Variants in GTF3C6 observed in about 807,000 individuals in gnomAD.
GTF3C6 encodes general transcription factor IIIC subunit 6, also known as general transcription factor 3C polypeptide 6.
GTF3C6 carries 11 observed loss-of-function variants against 19.2 expected under a neutral mutation model. That is an observed-to-expected ratio of 0.57 (90% CI 0.36 to 0.95). The LOEUF (loss-of-function observed/expected upper bound fraction) is 0.95, where lower values mean the gene tolerates loss of function less well. Ranked by LOEUF, GTF3C6 falls within the 40% of genes least tolerant of loss-of-function variation. The pLI is 0.01. For missense variants in GTF3C6, 222 were observed against 254.7 expected (o/e 0.87, Z 0.87); for synonymous variants, 87 against 84.2 (o/e 1.03, Z -0.18).
rs1344740413 is a variant in GTF3C6 at position 110,962,402 on chromosome 6, A to G, written c.258A>G (p.Glu86=). The G allele has an allele frequency of 7.7e-6, 12 of 1,567,942 alleles. No individual in the cohort carries two copies. Among genetic ancestry groups the G allele is most frequent in the Non-Finnish European group, 1.1e-5 (12 of 1,138,288 alleles). Residue 86 remains glutamate (E), a synonymous_variant, in exon 5 of 6, where the codon GAA becomes GAG. Coordinates refer to ENST00000329970, the MANE Select transcript of GTF3C6 (RefSeq NM_138408.4). The part of the protein sequence containing the change: ...FEENVEHADT[E]GNNKTVLKYK... ...TCATTTCTGTTCCAGCTGATACAGA[A>G]GGCAATAATAAAACAGTGCTAAAAT...
chr6:110,959,293 T>A, intron 2 of GTF3C6, 41 bp downstream of exon 2: 2 of 1,199,760 alleles, frequency 1.7e-6, no homozygotes, highest in Non-Finnish European at 2.5e-6. Flanking sequence ...TAGAGTGTCT[T>A]AAATGTAAAA....
chr6:110,960,392 A>G, intron 2 of GTF3C6, 22 bp from the exon 3 acceptor site: 3 of 1,532,794 alleles, frequency 2.0e-6, no homozygotes, highest in East Asian at 2.3e-5. Flanking sequence ...TTTTTTTTTT[A>G]TGATCCTTTA....
intron 5 of GTF3C6, among the ~76,000 whole-genome samples, chr6:110,963,790 C>T (rs1771194429): frequency 6.6e-6 from 1 of 151,864 alleles, no homozygotes; most frequent in South Asian, 2.1e-4. Context: ...CAATCTCCAC[C>T]TCTTGGGTGC....
At chr6:110,961,583 G>A (rs573912490) in intron 4 of GTF3C6, among the ~76,000 whole-genome samples, 46 of 152,274 alleles carry the variant, frequency 3.0e-4, no homozygotes, top group Non-Finnish European at 5.4e-4. Flanking sequence ...CTTATCCTCC[G>A]TCCTGCCTAG....
chr6:110,967,153 T>TA (rs200139626), intron 5 of GTF3C6, among the ~76,000 whole-genome samples: 4,465 of 145,846 alleles, frequency 0.031, 290 homozygotes, highest in East Asian at 0.3. Context: ...GACTTTGTCT[T>TA]AAAAAAAAAA....
intron 5 of GTF3C6, among the ~76,000 whole-genome samples, chr6:110,963,109 G>T (rs1400190563): frequency 6.6e-6 from 1 of 152,038 alleles, no homozygotes; most frequent in East Asian, 1.9e-4. Flanking sequence ...GTAGAGACCG[G>T]ATTTTACCGT....
At chr6:110,959,004 C>A in intron 1 of GTF3C6, 168 bp from the exon 2 acceptor site, 3 of 838,094 alleles carry the variant, frequency 3.6e-6, no homozygotes, top group African/African-American at 1.7e-5. Context: ...TAATCGTCAC[C>A]CCGTACTTGG....
At chr6:110,959,353 C>A in intron 2 of GTF3C6, 101 bp downstream of exon 2, 1 of 744,264 alleles carries the variant, frequency 1.3e-6, no homozygotes, top group Admixed American at 2.4e-5. Flanking sequence ...ATATTTATTT[C>A]ACCTTACAAA....
intron 5 of GTF3C6, among the ~76,000 whole-genome samples, chr6:110,964,032 T>C (rs1771197194): frequency 6.6e-6 from 1 of 152,048 alleles, no homozygotes; most frequent in African/African-American, 2.4e-5. Flanking sequence ...GGGGAGACTG[T>C]AGGACCACAG....
rs779833348 is a variant in GTF3C6 at position 110,960,405 on chromosome 6, C to T, written c.139-9C>T. ...TGTTTTTTTTTTATGATCCTTTATT[C>T]TGTTGTAGGGCATTGACACTGAGAG... is the stretch of plus-strand genomic sequence containing the variant. On this transcript the variant is annotated splice_polypyrimidine_tract_variant and intron_variant, in intron 2 of 5. Transcript: ENST00000329970. 6.3e-7 allele frequency: 1 copy of T among 1,592,808 alleles called. No homozygotes were observed. Among genetic ancestry groups the T allele is most frequent in the East Asian group, 2.2e-5 (1 of 44,748 alleles).
At chr6:110,965,744 T>C (rs1188241598) in intron 5 of GTF3C6, among the ~76,000 whole-genome samples, 6 of 152,218 alleles carry the variant, frequency 3.9e-5, no homozygotes, top group Admixed American at 2.6e-4. Flanking sequence ...TTTGGGTGTT[T>C]TGTTTAGTCA....
At chr6:110,966,371 G>C (rs9372279) in intron 5 of GTF3C6, among the ~76,000 whole-genome samples, 37,609 of 152,078 alleles carry the variant, frequency 0.25, 5,377 homozygotes, top group East Asian at 0.65. Context: ...CAGCTACTCG[G>C]GAGGCTGAGG....
intron 5 of GTF3C6, among the ~76,000 whole-genome samples, chr6:110,965,133 CTTTTTTT>C (rs57625165): frequency 3.2e-5 from 4 of 126,114 alleles, no homozygotes; most frequent in East Asian, 2.2e-4. Context: ...CGCACCCAAC[CTTTTTTT>C]TTTTTTTTTT....
intron 5 of GTF3C6, among the ~76,000 whole-genome samples, chr6:110,964,938 T>A (rs1771211847): frequency 1.3e-5 from 2 of 151,470 alleles, no homozygotes; most frequent in African/African-American, 4.9e-5. Flanking sequence ...GTTGAAGTAA[T>A]TCTCCTGCCT....
rs191531815 is a variant in GTF3C6 at position 110,964,910 on chromosome 6, G to A, written c.361+2405G>A. Among the ~76,000 whole-genome samples, 307 of 149,986 alleles carry A rather than the reference G, an allele frequency of 2.0e-3. 2 individuals are homozygous for A. The highest frequency in any genetic ancestry group is 7.3e-3 in the African/African-American group (297 of 40,756). The stretch of plus-strand genomic sequence containing the variant: ...TACAGTAGTGCGATCTCGGCTCACT[G>A]CAACCTCCGCCTCCTGGGTTGAAGT... On this transcript the variant is annotated intron_variant, in intron 5 of 5. Coordinates refer to ENST00000329970, the MANE Select transcript of GTF3C6 (RefSeq NM_138408.4).
chr6:110,964,373 T>A (rs1260863682), intron 5 of GTF3C6, among the ~76,000 whole-genome samples: 4 of 151,780 alleles, frequency 2.6e-5, no homozygotes, highest in Middle Eastern at 3.4e-3. Flanking sequence ...CCCTCCTGAG[T>A]AGCTGAGACT....
At chr6:110,960,289 T>G in intron 2 of GTF3C6, 125 bp from the exon 3 acceptor site, 2 of 724,838 alleles carry the variant, frequency 2.8e-6, no homozygotes, top group Non-Finnish European at 4.5e-6. Flanking sequence ...TATCCTGTAC[T>G]TGGTAGGACA....
intron 2 of GTF3C6, 120 bp downstream of exon 2, chr6:110,959,372 C>G: frequency 1.5e-6 from 1 of 669,574 alleles, no homozygotes. Context: ...AAGTAGTGAA[C>G]TCTAAGGATA....
chr6:110,958,777 C>T lies in GTF3C6; in HGVS notation c.8C>T (p.Ala3Val), dbSNP rs1410061819. 6.4e-7 allele frequency: 1 copy of T among 1,550,868 alleles called. No homozygotes were observed. Among genetic ancestry groups the T allele is most frequent in the South Asian group, 1.2e-5 (1 of 84,030 alleles). ...GCGAGGCGCCGCGGGACCATGGCGG[C>T]GGCGGCGGACGAGCGGAGTCCAGAG... is the stretch of plus-strand genomic sequence containing the variant. MA[A>V]AADERSPEDG... Residue 3 changes from alanine to valine, a missense_variant, in exon 1 of 6, where the codon GCG becomes GTG. By Grantham distance (64) the Ala-to-Val change is moderately conservative. Transcript: ENST00000329970.
Sources: gnomAD v4.1 joint callset for allele counts (sites outside exome capture counted in the v4.1 genomes callset) on GRCh38, gnomAD v4.1.1 for gene constraint, MANE v1.5 for transcripts, NCBI Gene and HGNC (gene_info 2026-07-23, HGNC 2026-07-21) for gene names.